Variants in MCF2L observed in about 807,000 individuals in gnomAD.
The protein encoded by MCF2L is MCF.2 cell line derived transforming sequence like.
A neutral mutation model predicts 153.4 loss-of-function variants in MCF2L; 97 were observed. The ratio of observed to expected loss-of-function variants is 0.63; its 90% CI spans 0.54 to 0.75. MCF2L has a LOEUF of 0.75. MCF2L is among the 30% of genes least tolerant of loss of function. The probability of loss-of-function intolerance (pLI) is 0.00; values close to 1 mark genes in which losing one functional copy is unlikely to be tolerated. For missense variants in MCF2L, 1,347 were observed against 1,495.2 expected, an observed-to-expected ratio of 0.90 and a Z score of 1.64; for synonymous variants, 659 against 632.2, an observed-to-expected ratio of 1.04 and a Z score of -0.64.
chr13:112,934,700 G>A (rs955876247), intron 2 of MCF2L, among the ~76,000 whole-genome samples: 1 of 152,236 alleles, frequency 6.6e-6, no homozygotes, highest in Non-Finnish European at 1.5e-5. Flanking sequence ...TGGGGTAAGA[G>A]GTCACGTGTG....
At chr13:112,937,749 CTGGTTCAGGTGAGCTCTGAGGGGT>C (rs919481188) in intron 2 of MCF2L, among the ~76,000 whole-genome samples, 1 of 133,214 alleles carries the variant, frequency 7.5e-6, no homozygotes, top group African/African-American at 2.8e-5. Context: ...CACTGATGTG[CTGGTTCAGGTGAGCTCTGAGGGGT>C]TGGTTCAGGT....
chr13:112,987,303 C>T (rs1184954515), intron 1 of MCF2L, among the ~76,000 whole-genome samples: 2 of 6,782 alleles, frequency 2.9e-4, no homozygotes, highest in African/African-American at 4.7e-4. Context: ...TGGCGTGCGC[C>T]TGGAGCACAC....
chr13:113,093,503 C>G (rs1375397853), intron 26 of MCF2L: 1 of 152,342 alleles, frequency 6.6e-6, no homozygotes, highest in East Asian at 1.9e-4. Flanking sequence ...GCCATTGGAA[C>G]TGGCCTGCAA....
At chr13:112,997,156 C>A (rs2083174528) in intron 1 of MCF2L, among the ~76,000 whole-genome samples, 1 of 152,240 alleles carries the variant, frequency 6.6e-6, no homozygotes, top group African/African-American at 2.4e-5. Context: ...CAGTGGCAGA[C>A]CCAGAGCCCC....
chr13:112,901,147 G>A (rs977392389), intron 1 of MCF2L, among the ~76,000 whole-genome samples: 1 of 152,112 alleles, frequency 6.6e-6, no homozygotes, highest in African/African-American at 2.4e-5. Flanking sequence ...CACCGATACC[G>A]TTTATTTTTT....
intron 2 of MCF2L, among the ~76,000 whole-genome samples, chr13:112,928,791 T>G (rs1040091110): frequency 6.6e-6 from 1 of 152,244 alleles, no homozygotes; most frequent in African/African-American, 2.4e-5. Context: ...CTCTGACGCT[T>G]CCCTGCAGGG....
At chr13:113,020,867 T>G (rs928876737) in intron 2 of MCF2L, among the ~76,000 whole-genome samples, 6 of 146,570 alleles carry the variant, frequency 4.1e-5, no homozygotes, top group Admixed American at 2.7e-4. Flanking sequence ...GTAGTGTGTA[T>G]ATGTGTGTAT....
intron 18 of MCF2L, chr13:113,084,674 A>C: frequency 1.7e-6 from 1 of 583,546 alleles, no homozygotes; most frequent in Non-Finnish European, 3.1e-6. Context: ...GCTCTGGGAC[A>C]GGGAGCCCCA....
intron 2 of MCF2L, among the ~76,000 whole-genome samples, chr13:112,931,257 C>G (rs941143342): frequency 6.6e-6 from 1 of 152,176 alleles, no homozygotes; most frequent in Non-Finnish European, 1.5e-5. Flanking sequence ...TGCTGACCTG[C>G]GTGACTCTGG....
chr13:113,033,265 C>CATGGCATGA (rs2085875154), intron 3 of MCF2L, among the ~76,000 whole-genome samples: 1 of 76,012 alleles, frequency 1.3e-5, no homozygotes. Context: ...TAGTGGACCC[C>CATGGCATGA]GTGGCGTGAG....
chr13:113,086,377 GGGTGGTCCCTAGATAAGCCCAC>G (rs2034641004), intron 21 of MCF2L, 128 bp downstream of exon 21: 9 of 1,397,066 alleles, frequency 6.4e-6, no homozygotes, highest in Non-Finnish European at 8.6e-6. Context: ...AGGAGGTCTG[GGGTGGTCCCTAGATAAGCCCAC>G]TCCCAGGCCC....
intron 3 of MCF2L, among the ~76,000 whole-genome samples, chr13:113,036,654 C>T (rs776067213): frequency 2.9e-4 from 44 of 152,246 alleles, no homozygotes; most frequent in Non-Finnish European, 5.4e-4. Context: ...GCGTGTGTCG[C>T]AGGCGACCCT....
At chr13:112,961,055 C>T (rs1430089747) in intron 2 of MCF2L, among the ~76,000 whole-genome samples, 1 of 134,644 alleles carries the variant, frequency 7.4e-6, no homozygotes, top group African/African-American at 2.6e-5. Flanking sequence ...TGACCCTGCT[C>T]TTCCCATGCA....
intron 1 of MCF2L, among the ~76,000 whole-genome samples, chr13:112,972,449 T>C (rs954879577): frequency 2.4e-5 from 3 of 123,800 alleles, no homozygotes; most frequent in Non-Finnish European, 5.2e-5. Flanking sequence ...TGGATGAATG[T>C]AAGGGTGGAT....
At chr13:112,902,539 C>T (rs566849057) in intron 2 of MCF2L, among the ~76,000 whole-genome samples, 2 of 152,222 alleles carry the variant, frequency 1.3e-5, no homozygotes, top group Non-Finnish European at 2.9e-5. Context: ...AATGGGTTCA[C>T]GTGGCTTTTA....
intron 2 of MCF2L, among the ~76,000 whole-genome samples, chr13:112,961,760 C>T (rs1264574432): frequency 1.3e-5 from 2 of 152,232 alleles, no homozygotes; most frequent in Non-Finnish European, 1.5e-5. Context: ...CAGGTCCTTC[C>T]GGAAGGTGCT....
chr13:113,049,836 T>G (rs1026724144), intron 4 of MCF2L, among the ~76,000 whole-genome samples: 12 of 152,216 alleles, frequency 7.9e-5, no homozygotes, highest in African/African-American at 2.9e-4. Flanking sequence ...AGAGCTGAGC[T>G]CTCCCTAATT....
intron 2 of MCF2L, among the ~76,000 whole-genome samples, chr13:112,954,637 G>A (rs1015906028): frequency 6.6e-6 from 1 of 152,134 alleles, no homozygotes; most frequent in East Asian, 1.9e-4. Flanking sequence ...GCTCCCGAGG[G>A]GGCATGGGTG....
Position 113,045,237 on chromosome 13 carries a change from A to C in MCF2L, c.279-34A>C, listed in dbSNP as rs2086735994. On this transcript the variant is annotated intron_variant, in intron 3 of 29. Transcript: ENST00000535094. This position sits in a 1 kb window ranked among gnomAD's most constrained non-coding sequence, Gnocchi z 4.2. Reference sequence around the variant, plus strand: ...CGTGGGCAGCCGGCTTCCCACCTGCACACATTAACGGCGGCGTCTCTTCCT... The same window carrying C: ...CGTGGGCAGCCGGCTTCCCACCTGCCCACATTAACGGCGGCGTCTCTTCCT... 1 of 1,550,604 alleles carries C rather than the reference A, an allele frequency of 6.4e-7. No individual in the cohort carries two copies. The highest frequency in any genetic ancestry group is 1.1e-5 in the South Asian group (1 of 89,804).
Sources: allele counts gnomAD v4.1 joint callset (sites outside exome capture counted in the v4.1 genomes callset), GRCh38; gene constraint gnomAD v4.1.1; non-coding constraint Gnocchi (gnomAD v3.1); transcripts MANE v1.5; gene names NCBI Gene and HGNC (gene_info 2026-07-23, HGNC 2026-07-21).